GLCE: variants seen among roughly 807,000 people sequenced by gnomAD.
The protein encoded by GLCE is glucuronic acid epimerase.
A neutral mutation model predicts 47.9 loss-of-function variants in GLCE; 19 were observed. That is an observed-to-expected ratio of 0.40 (90% CI 0.28 to 0.58). The LOEUF is 0.58. Among genes scored for constraint, GLCE ranks in the 20% least tolerant of loss-of-function variants. GLCE has a pLI of 0.48. For missense variants in GLCE, 556 were observed against 743.3 expected (o/e 0.75, Z 2.93); for synonymous variants, 245 against 263.4 (o/e 0.93, Z 0.68).
intron 3 of GLCE, among the ~76,000 whole-genome samples, chr15:69,260,514 C>T (rs2052999043): frequency 6.6e-6 from 1 of 152,124 alleles, no homozygotes; most frequent in Admixed American, 6.5e-5. Flanking sequence ...CCCACCTTGG[C>T]CTCCCAAAGT....
chr15:69,194,068 G>T (rs2051951809), intron 1 of GLCE, among the ~76,000 whole-genome samples: 1 of 152,114 alleles, frequency 6.6e-6, no homozygotes, highest in Non-Finnish European at 1.5e-5. Flanking sequence ...CCAAAACCAT[G>T]TGTACTGAAG....
chr15:69,184,701 CAGTT>C (rs2051797698), intron 1 of GLCE, among the ~76,000 whole-genome samples: 4 of 152,230 alleles, frequency 2.6e-5, no homozygotes, highest in Admixed American at 6.5e-5. Flanking sequence ...TAGGATTAGT[CAGTT>C]AGTACCTTAA....
At chr15:69,216,990 A>G (rs1303806320) in intron 2 of GLCE, among the ~76,000 whole-genome samples, 2 of 152,132 alleles carry the variant, frequency 1.3e-5, no homozygotes, top group African/African-American at 2.4e-5. Flanking sequence ...TGGGAAGATG[A>G]CTTTTTCTGC....
chr15:69,261,472 C>A, intron 4 of GLCE, 143 bp downstream of exon 4: 2 of 764,374 alleles, frequency 2.6e-6, no homozygotes, highest in Non-Finnish European at 4.2e-6. Flanking sequence ...GGTGTCACCC[C>A]AATGAAATCT....
chr15:69,182,269 T>TTGTG (rs34135980), intron 1 of GLCE, among the ~76,000 whole-genome samples: 1,655 of 144,892 alleles, frequency 0.011, 27 homozygotes, highest in African/African-American at 0.032. Context: ...CATCGTGTAT[T>TTGTG]TGTGTGTGTG....
chr15:69,220,283 A>G (rs181027822), intron 2 of GLCE, among the ~76,000 whole-genome samples: 3 of 152,214 alleles, frequency 2.0e-5, no homozygotes, highest in Admixed American at 2.0e-4. Context: ...TAAATTTTTG[A>G]GAAACAGTCA....
At chr15:69,262,674 TCCTTAGCC>T (rs1896254968) in intron 4 of GLCE, among the ~76,000 whole-genome samples, 1 of 152,150 alleles carries the variant, frequency 6.6e-6, no homozygotes, top group African/African-American at 2.4e-5. Flanking sequence ...AAATGAGGGA[TCCTTAGCC>T]CCTCATTCTG....
At position 69,261,178 on chromosome 15, in the gene GLCE, A is replaced by G. The variant is rs759454453; in HGVS notation, c.678A>G (p.Leu226=). 1.2e-6 allele frequency: 2 copies of G among 1,613,992 alleles called. No homozygotes were observed. Among genetic ancestry groups the G allele is most frequent in the Non-Finnish European group, 1.7e-6 (2 of 1,179,862 alleles). ...GATTAAGTCATTACAGCAAGAATCTAACTGAGAAACCTCCTCACATAGAGG... is the reference window on the plus strand; with the variant it reads ...GATTAAGTCATTACAGCAAGAATCTGACTGAGAAACCTCCTCACATAGAGG... ...QYGLSHYSKN[L]TEKPPHIEVY... is the part of the protein sequence containing the mutation. The change falls in exon 4 of 5, where the codon CTA becomes CTG. Residue 226 remains leucine (L), a synonymous_variant. Transcript: ENST00000261858.
chr15:69,265,115 T>A (rs998999952), intron 4 of GLCE, among the ~76,000 whole-genome samples: 5 of 152,050 alleles, frequency 3.3e-5, no homozygotes, highest in East Asian at 1.9e-4. Context: ...CTAAGACCAA[T>A]GTCAAAAGTA....
chr15:69,193,392 C>T (rs745858840), intron 1 of GLCE, among the ~76,000 whole-genome samples: 1 of 152,032 alleles, frequency 6.6e-6, no homozygotes, highest in East Asian at 1.9e-4. Flanking sequence ...TGGAAATCTC[C>T]CTATAAACAT....
At chr15:69,225,375 C>T (rs965906979) in intron 2 of GLCE, among the ~76,000 whole-genome samples, 1 of 152,038 alleles carries the variant, frequency 6.6e-6, no homozygotes, top group East Asian at 1.9e-4. Context: ...ATATTCTGTA[C>T]CACAGAGTTC....
chr15:69,253,603 A>G (rs1595784651), intron 2 of GLCE, among the ~76,000 whole-genome samples: 2 of 152,346 alleles, frequency 1.3e-5, no homozygotes, highest in East Asian at 3.9e-4. Flanking sequence ...TTATTTTAAA[A>G]AAAGAAGAAT....
At chr15:69,259,792 G>A (rs2052985802) in intron 3 of GLCE, among the ~76,000 whole-genome samples, 1 of 152,140 alleles carries the variant, frequency 6.6e-6, no homozygotes, top group South Asian at 2.1e-4. Context: ...AATTACAGAG[G>A]AGATCCCCCT....
chr15:69,262,366 A>C (rs1190049807), intron 4 of GLCE, among the ~76,000 whole-genome samples: 1 of 152,260 alleles, frequency 6.6e-6, no homozygotes, highest in Non-Finnish European at 1.5e-5. Flanking sequence ...TGGCTGAGTG[A>C]GAAAGTACAA....
At position 69,269,268 on chromosome 15, in the gene GLCE, C is replaced by T; in HGVS notation, c.*24C>T. 1.9e-6 allele frequency: 3 copies of T among 1,594,356 alleles called. No homozygotes were observed. Among genetic ancestry groups the T allele is most frequent in the Non-Finnish European group, 1.7e-6 (2 of 1,163,944 alleles). On this transcript the variant is annotated 3_prime_UTR_variant, in exon 5 of 5. Coordinates refer to ENST00000261858, the MANE Select transcript of GLCE (RefSeq NM_015554.3). Reference sequence around the variant, plus strand: ...AGAGCTCACAACCAAAACTGCACTTCAGCCTCTGCTGTACACAGAAACTAC... The same window carrying T: ...AGAGCTCACAACCAAAACTGCACTTTAGCCTCTGCTGTACACAGAAACTAC...
chr15:69,250,690 C>T (rs993099588), intron 2 of GLCE, among the ~76,000 whole-genome samples: 1 of 151,188 alleles, frequency 6.6e-6, no homozygotes, highest in African/African-American at 2.4e-5. Context: ...TGATGGCAAA[C>T]TTAATGTGGA....
At chr15:69,166,330 TA>T (rs1477754675) in intron 1 of GLCE, among the ~76,000 whole-genome samples, 1 of 152,248 alleles carries the variant, frequency 6.6e-6, no homozygotes, top group Non-Finnish European at 1.5e-5. Context: ...TTTCTAATAC[TA>T]CACTGTTTTC....
chr15:69,194,539 A>G (rs1189765310), intron 1 of GLCE: 1 of 152,128 alleles, frequency 6.6e-6, no homozygotes, highest in East Asian at 1.9e-4. Flanking sequence ...AAAATAATTC[A>G]TTCTTATTAT....
chr15:69,224,819 G>A (rs1376533863), intron 2 of GLCE, among the ~76,000 whole-genome samples: 5 of 152,210 alleles, frequency 3.3e-5, no homozygotes, highest in Non-Finnish European at 7.3e-5. Context: ...CAAGCCTTCA[G>A]TGGACTACAG....
Sources: allele counts gnomAD v4.1 joint callset (sites outside exome capture counted in the v4.1 genomes callset), GRCh38; gene constraint gnomAD v4.1.1; transcripts MANE v1.5; gene names NCBI Gene and HGNC (gene_info 2026-07-23, HGNC 2026-07-21).